The following CNTNAP5 variants were observed in gnomAD, a reference collection of about 807,000 sequenced individuals.
The protein encoded by CNTNAP5 is contactin-associated protein-like 5.
CNTNAP5 carries 72 observed loss-of-function variants against 150.2 expected under a neutral mutation model. The observed-to-expected ratio is 0.48, with a 90% CI of 0.40 to 0.58. CNTNAP5 has a LOEUF of 0.58. Ranked by LOEUF, CNTNAP5 falls within the 20% of genes least tolerant of loss-of-function variation. The probability of loss-of-function intolerance (pLI) is 0.00; values close to 1 mark genes in which losing one functional copy is unlikely to be tolerated. For synonymous variants in CNTNAP5, 672 were observed against 619.8 expected, an observed-to-expected ratio of 1.08 and a Z score of -1.25; for missense variants, 1,636 against 1,626.2, an observed-to-expected ratio of 1.01 and a Z score of -0.10.
At chr2:124,220,321 G>T (rs1294604444) in intron 1 of CNTNAP5, among the ~76,000 whole-genome samples, 1 of 152,084 alleles carries the variant, frequency 6.6e-6, no homozygotes, top group African/African-American at 2.4e-5. Flanking sequence ...AATAGGAAAA[G>T]AATATTGGTA....
intron 7 of CNTNAP5, among the ~76,000 whole-genome samples, chr2:124,475,980 T>G (rs535142904): frequency 3.4e-4 from 52 of 152,218 alleles, no homozygotes; most frequent in African/African-American, 1.2e-3. Flanking sequence ...GTTTCCTGGA[T>G]AGTTTTTAAA....
chr2:124,645,445 G>A (rs1055762900), intron 12 of CNTNAP5, among the ~76,000 whole-genome samples: 4 of 152,140 alleles, frequency 2.6e-5, no homozygotes, highest in Non-Finnish European at 4.4e-5. Flanking sequence ...GTACATACCT[G>A]TGGTTCTAGC....
intron 21 of CNTNAP5, among the ~76,000 whole-genome samples, chr2:124,879,266 G>A (rs1677921064): frequency 6.6e-6 from 1 of 152,000 alleles, no homozygotes; most frequent in East Asian, 1.9e-4. Flanking sequence ...TACTGTATTG[G>A]CAGACACATA....
chr2:124,120,523 G>T (rs551302289), intron 1 of CNTNAP5, among the ~76,000 whole-genome samples: 1 of 152,324 alleles, frequency 6.6e-6, no homozygotes, highest in Non-Finnish European at 1.5e-5. Context: ...GAAAACAAGA[G>T]TTATAACAGG....
chr2:124,362,040 G>C (rs113647222), intron 3 of CNTNAP5, among the ~76,000 whole-genome samples: 5,359 of 152,316 alleles, frequency 0.035, 151 homozygotes, highest in Non-Finnish European at 0.042. Context: ...GGTCCGAAAA[G>C]CGCAATATTC....
chr2:124,218,641 G>C (rs891722182), intron 1 of CNTNAP5, among the ~76,000 whole-genome samples: 3 of 152,084 alleles, frequency 2.0e-5, no homozygotes, highest in Admixed American at 2.0e-4. Flanking sequence ...TGAGATACAA[G>C]GCAGACATCT....
chr2:124,274,680 C>T (rs534875645), intron 3 of CNTNAP5, among the ~76,000 whole-genome samples: 3 of 152,220 alleles, frequency 2.0e-5, no homozygotes, highest in Non-Finnish European at 2.9e-5. Context: ...ATACAACCCA[C>T]GTAAACAAAA....
intron 3 of CNTNAP5, among the ~76,000 whole-genome samples, chr2:124,262,713 A>G (rs1472436066): frequency 6.6e-6 from 1 of 151,558 alleles, no homozygotes; most frequent in African/African-American, 2.4e-5. Context: ...GGTTTGTTAC[A>G]TATGTATATA....
chr2:124,615,423 G>T (rs1677475005), intron 12 of CNTNAP5, among the ~76,000 whole-genome samples: 1 of 152,102 alleles, frequency 6.6e-6, no homozygotes, highest in South Asian at 2.1e-4. Flanking sequence ...ATCTCAAGAA[G>T]CCACTTTATT....
intron 2 of CNTNAP5, among the ~76,000 whole-genome samples, chr2:124,233,806 A>G (rs990316273): frequency 8.4e-5 from 12 of 142,372 alleles, no homozygotes; most frequent in Admixed American, 2.1e-4. Flanking sequence ...TATATATATT[A>G]TTTTATCCAT....
Position 124,443,106 on chromosome 2 carries a change from C to T in CNTNAP5, c.734-3647C>T, listed in dbSNP as rs893647091. 3.3e-5 allele frequency among the ~76,000 whole-genome samples: 5 copies of T among 151,894 alleles called. No individual in the cohort carries two copies. In the South Asian group the frequency reaches 1.0e-3, roughly 32 times the overall value. ...CGCTACAAATACGCTTGTGCCCAAG[C>T]GAGATAATATCCACATAATAAAGTA... On this transcript the variant is annotated intron_variant, in intron 5 of 23. Transcript: ENST00000682447.
At chr2:124,582,176 A>G (rs1201181110) in intron 11 of CNTNAP5, among the ~76,000 whole-genome samples, 1 of 152,012 alleles carries the variant, frequency 6.6e-6, no homozygotes, top group Non-Finnish European at 1.5e-5. Flanking sequence ...ATTTCTTTGG[A>G]TCGGAAGGCC....
intron 1 of CNTNAP5, chr2:124,135,000 G>A (rs1047314865): frequency 6.6e-6 from 1 of 152,120 alleles, no homozygotes; most frequent in Non-Finnish European, 1.5e-5. Context: ...TGAAATGAAA[G>A]GGATAAGGTA....
intron 1 of CNTNAP5, among the ~76,000 whole-genome samples, chr2:124,066,385 G>A (rs1682155391): frequency 1.3e-5 from 2 of 152,102 alleles, no homozygotes; most frequent in Non-Finnish European, 2.9e-5. Context: ...TAGGATATAC[G>A]TAGTTAATCT....
rs187739868 is a variant in CNTNAP5, at chr2:124,682,709, A to C, written c.2077+34751A>C. Among the ~76,000 whole-genome samples, 9 of 152,184 alleles carry C rather than the reference A, an allele frequency of 5.9e-5. No homozygotes were observed. In the East Asian group the frequency reaches 1.7e-3, roughly 29 times the overall value. On this transcript the variant is annotated intron_variant, in intron 13 of 23. Transcript: ENST00000682447. Reference sequence around the variant, plus strand: ...GATTTTATTTATTTTGCCTGTATTTATGTTGTTTTAGAGAGAGAGAGAATC... The same window carrying C: ...GATTTTATTTATTTTGCCTGTATTTCTGTTGTTTTAGAGAGAGAGAGAATC...
chr2:124,603,494 C>T (rs1217920091), intron 11 of CNTNAP5, among the ~76,000 whole-genome samples: 2 of 152,198 alleles, frequency 1.3e-5, no homozygotes, highest in East Asian at 3.9e-4. Context: ...GTTTGGCAGT[C>T]CTTGATGATC....
At position 124,674,558 on chromosome 2, in the gene CNTNAP5, T is replaced by C. The variant is rs1417605387; in HGVS notation, c.2077+26600T>C. On this transcript the variant is annotated intron_variant, in intron 13 of 23. Transcript: ENST00000682447. ...TTCTTTCTTTCTTTCTTTCTTCCTT[T>C]CTTCCTTTCTTTCTTTCTTTTCATC... Among the ~76,000 whole-genome samples, 26 of 147,146 alleles carry C rather than the reference T, an allele frequency of 1.8e-4. 1 individual carries two copies. The Admixed American group carries it at 1.9e-3, about 11-fold the overall frequency.
intron 1 of CNTNAP5, among the ~76,000 whole-genome samples, chr2:124,153,051 C>A (rs1035047221): frequency 6.6e-6 from 1 of 152,036 alleles, no homozygotes; most frequent in Admixed American, 6.6e-5. Flanking sequence ...ACCCTTAGGC[C>A]AAGGCTGAAA....
chr2:124,841,220 G>A (rs943046700), intron 19 of CNTNAP5, among the ~76,000 whole-genome samples: 7 of 151,994 alleles, frequency 4.6e-5, no homozygotes, highest in Middle Eastern at 3.2e-3. Flanking sequence ...AAAAGCAAAT[G>A]ATGGGTTGGT....
Sources: allele counts gnomAD v4.1 joint callset (sites outside exome capture counted in the v4.1 genomes callset), GRCh38; gene constraint gnomAD v4.1.1; transcripts MANE v1.5; gene names NCBI Gene and HGNC (gene_info 2026-07-23, HGNC 2026-07-21).